The following PIPOX variants were observed in gnomAD, a reference collection of about 807,000 sequenced individuals.
PIPOX encodes pipecolic acid and sarcosine oxidase, also known as peroxisomal sarcosine oxidase.
In PIPOX, 45 loss-of-function variants were observed where a neutral mutation model predicts 47.9. That is an observed-to-expected ratio of 0.94 (90% CI 0.74 to 1.20). PIPOX has a LOEUF of 1.20. Ranked by LOEUF, PIPOX falls within the 50% of genes most tolerant of loss-of-function variation. PIPOX has a pLI of 0.00. For synonymous variants in PIPOX, 165 were observed against 191.3 expected (o/e 0.86, Z 1.13); for missense variants, 458 against 498.4 (o/e 0.92, Z 0.77).
intron 2 of PIPOX, chr17:29,052,087 C>A (rs189507694): frequency 5.1e-5 from 24 of 466,528 alleles, no homozygotes; most frequent in African/African-American, 4.2e-4. Flanking sequence ...AGTTTAGGAC[C>A]CTTTCCACAA....
chr17:29,055,730 C>T, intron 6 of PIPOX, 83 bp from the exon 7 acceptor site: 2 of 1,154,284 alleles, frequency 1.7e-6, no homozygotes, highest in Admixed American at 1.7e-5. Flanking sequence ...AGAAATCCAG[C>T]CCATCCCCTT....
Position 29,053,440 on chromosome 17 carries a change from G to A in PIPOX, c.505G>A (p.Val169Met). The A allele has an allele frequency of 1.9e-6, 3 of 1,613,944 alleles. No homozygotes were observed. The highest frequency in any genetic ancestry group is 2.5e-6 in the Non-Finnish European group (3 of 1,179,858). Residue 169 changes from valine to methionine, a missense_variant, in exon 4 of 8, where the codon GTG becomes ATG. Transcript: ENST00000323372. ...QDAIRQLGGI[V>M]RDGEKVVEIN... ...TGCAATTCGACAGCTAGGAGGCATA[G>A]TGCGTGACGGAGAGAAGGTGGTGGA...
intron 1 of PIPOX, chr17:29,044,197 C>A (rs922904420): frequency 3.3e-5 from 5 of 152,208 alleles, no homozygotes; most frequent in Non-Finnish European, 5.9e-5. Flanking sequence ...CCTGAGTGAT[C>A]TGTAGCCACA....
intron 2 of PIPOX, among the ~76,000 whole-genome samples, chr17:29,051,075 C>T (rs757595563): frequency 2.6e-5 from 4 of 151,756 alleles, no homozygotes; most frequent in East Asian, 1.9e-4. Context: ...GACCTGAGAT[C>T]GCACCACTGC....
At chr17:29,051,361 C>T (rs967612225) in intron 2 of PIPOX, among the ~76,000 whole-genome samples, 2 of 152,182 alleles carry the variant, frequency 1.3e-5, no homozygotes, top group African/African-American at 4.8e-5. Flanking sequence ...CTGACACCCG[C>T]CCCAGGGCCC....
chr17:29,045,371 A>G (rs1242751036), intron 2 of PIPOX, among the ~76,000 whole-genome samples: 1 of 134,710 alleles, frequency 7.4e-6, no homozygotes, highest in African/African-American at 2.7e-5. Context: ...GCAGGGGTTG[A>G]GATAGAGGAG....
In PIPOX at chr17:29,051,253, C is replaced by T. The variant is rs376322904; in HGVS notation, c.264-1667C>T. ...ACTGCATCTTTCCTCTGTTGAGCTT[C>T]GAAGAGGCAGAGCTCTCGTTGCTAT... On this transcript the variant is annotated intron_variant, in intron 2 of 7. Coordinates refer to ENST00000323372, the MANE Select transcript of PIPOX (RefSeq NM_016518.3). Among the ~76,000 whole-genome samples, 12 of 152,292 alleles carry T rather than the reference C, an allele frequency of 7.9e-5. 1 individual carries two copies. The East Asian group carries it at 1.7e-3, about 22-fold the overall frequency.
chr17:29,053,537 C>G lies in PIPOX; in HGVS notation c.602C>G (p.Thr201Arg). ...RSYQAKSLVI[T>R]AGPWTNQLLR... ...TACCAAGCTAAGAGCTTGGTCATCA[C>G]AGCAGGTCCTTGGACCAACCAGCTC... is the stretch of plus-strand genomic sequence containing the variant. Residue 201 changes from threonine (T) to arginine (R), a missense_variant, in exon 4 of 8, where the codon ACA (threonine) becomes AGA (arginine). By Grantham distance (71) the Thr-to-Arg change is moderately conservative (BLOSUM62 -1). Transcript: ENST00000323372. 1.2e-6 allele frequency: 2 copies of G among 1,613,912 alleles called. No individual in the cohort carries two copies. Among genetic ancestry groups the G allele is most frequent in the Non-Finnish European group, 1.7e-6 (2 of 1,179,852 alleles).
chr17:29,054,513 C>T lies in PIPOX; in HGVS notation c.661-32C>T, dbSNP rs9908931. 39,111 of 1,611,326 alleles carry T rather than the reference C, an allele frequency of 0.024. 4,164 individuals carry two copies. The African/African-American group carries it at 0.32, about 13-fold the overall frequency. On this transcript the variant is annotated intron_variant, in intron 4 of 7. Coordinates refer to ENST00000323372, the MANE Select transcript of PIPOX (RefSeq NM_016518.3). ...ATTGCTGTAGAGTTCCATGGCTTTT[C>T]TTCATTTCCCACTTCCTCTCCCTGC...
At chr17:29,053,785 T>C in intron 4 of PIPOX, 190 bp downstream of exon 4, 1 of 475,734 alleles carries the variant, frequency 2.1e-6, no homozygotes, top group East Asian at 3.0e-5. Context: ...TGTTGGAGAA[T>C]TAAATTATTA....
chr17:29,051,233 A>G (rs1294763895), intron 2 of PIPOX, among the ~76,000 whole-genome samples: 1 of 152,192 alleles, frequency 6.6e-6, no homozygotes, highest in Non-Finnish European at 1.5e-5. Context: ...TTTCCACTGC[A>G]TCTTTCCTCT....
At position 29,053,398 on chromosome 17, in the gene PIPOX, C is replaced by T; in HGVS notation, c.478-15C>T. On this transcript the variant is annotated splice_polypyrimidine_tract_variant and intron_variant, in intron 3 of 7. Coordinates refer to ENST00000323372, the MANE Select transcript of PIPOX (RefSeq NM_016518.3). ...TACAGAACTAATTCACCTTTCCCTG[C>T]TCCTGCCCTTTCAGGATGCAATTCG... 3.7e-6 allele frequency: 6 copies of T among 1,605,026 alleles called. No homozygotes were observed. The highest frequency in any genetic ancestry group is 5.1e-6 in the Non-Finnish European group (6 of 1,173,852).
intron 2 of PIPOX, among the ~76,000 whole-genome samples, chr17:29,048,473 A>G (rs1397748630): frequency 6.6e-6 from 1 of 152,244 alleles, no homozygotes; most frequent in Admixed American, 6.5e-5. Flanking sequence ...TTCTGGGAAC[A>G]GACAATGACA....
At chr17:29,051,467 G>T (rs916535127) in intron 2 of PIPOX, among the ~76,000 whole-genome samples, 2 of 152,162 alleles carry the variant, frequency 1.3e-5, no homozygotes, top group Non-Finnish European at 2.9e-5. Flanking sequence ...CTCCATTATA[G>T]GCTATTACGA....
At chr17:29,054,258 C>T (rs1440442835) in intron 4 of PIPOX, among the ~76,000 whole-genome samples, 1 of 152,086 alleles carries the variant, frequency 6.6e-6, no homozygotes, top group Non-Finnish European at 1.5e-5. Context: ...CTCAATAAAC[C>T]TGAGGTCTTA....
At chr17:29,045,764 C>G (rs921661054) in intron 2 of PIPOX, among the ~76,000 whole-genome samples, 9 of 152,018 alleles carry the variant, frequency 5.9e-5, no homozygotes, top group African/African-American at 2.2e-4. Context: ...GTCCTCACCC[C>G]CTTTAGCAGC....
intron 1 of PIPOX, among the ~76,000 whole-genome samples, chr17:29,044,640 T>C (rs1323940724): frequency 6.6e-6 from 1 of 152,184 alleles, no homozygotes; most frequent in East Asian, 1.9e-4. Flanking sequence ...TGATAGTTTT[T>C]AAATTTTTGA....
At chr17:29,045,196 A>G (rs1022266307) in intron 2 of PIPOX, among the ~76,000 whole-genome samples, 189 bp downstream of exon 2, 3 of 152,220 alleles carry the variant, frequency 2.0e-5, no homozygotes, top group Non-Finnish European at 4.4e-5. Flanking sequence ...GACTCTGGCC[A>G]GGCTCTGCGT....
rs542766166 is a variant in PIPOX at position 29,053,670 on chromosome 17, T to C, written c.660+75T>C. 1.3e-5 allele frequency: 15 copies of C among 1,149,094 alleles called. No individual in the cohort carries two copies. The South Asian group carries it at 2.2e-4, about 17-fold the overall frequency. The allele number at this position is 1,149,094 out of a possible 1,614,324, so 71.2% of individuals were successfully genotyped here. A position where few individuals can be genotyped will look rare whatever the true frequency, so the allele number is the denominator to read the frequency against. On this transcript the variant is annotated intron_variant, in intron 4 of 7. Coordinates refer to ENST00000323372, the MANE Select transcript of PIPOX (RefSeq NM_016518.3). ...ACCAGATGGAGTCAAATTTGAGTCC[T>C]GGATCTGCCTCTTGCTAGTGGACAA...
Sources: gnomAD v4.1 joint callset for allele counts (sites outside exome capture counted in the v4.1 genomes callset) on GRCh38, gnomAD v4.1.1 for gene constraint, MANE v1.5 for transcripts, NCBI Gene and HGNC (gene_info 2026-07-23, HGNC 2026-07-21) for gene names.